Variants in F13A1 observed in about 807,000 individuals in gnomAD.
F13A1 encodes FSF, A subunit.
In F13A1, 47 loss-of-function variants were observed where a neutral mutation model predicts 80.1. That is an observed-to-expected ratio of 0.59 (90% CI 0.46 to 0.75). The LOEUF (loss-of-function observed/expected upper bound fraction) is 0.75, where lower values mean the gene tolerates loss of function less well. Among genes scored for constraint, F13A1 ranks in the 30% least tolerant of loss-of-function variants. F13A1 has a pLI of 0.00. For synonymous variants in F13A1, 349 were observed against 344.9 expected (o/e 1.01, Z -0.13); for missense variants, 817 against 930.4 (o/e 0.88, Z 1.59).
rs1757510209 is a variant in F13A1 at position 6,243,278 on chromosome 6, AATCACCCTACCATCACCACCATT to A, written c.798+5011_798+5033del. Among the ~76,000 whole-genome samples, 1 of 146,664 alleles carries A rather than the reference AATCACCCTACCATCACCACCATT, an allele frequency of 6.8e-6. No individual in the cohort carries two copies. The highest frequency in any genetic ancestry group is 2.5e-5 in the African/African-American group (1 of 39,680). On this transcript the variant is annotated intron_variant, in intron 6 of 14. Transcript: ENST00000264870. This position sits in a 1 kb window ranked among gnomAD's most constrained non-coding sequence, Gnocchi z 4.2. The stretch of plus-strand genomic sequence containing the variant: ...CCATCATCATCACTATCACCACCAT[AATCACCCTACCATCACCACCATT>A]ATTATCACAATCACTATCACCACCA...
intron 8 of F13A1, among the ~76,000 whole-genome samples, chr6:6,219,986 T>A (rs943744053): frequency 1.3e-5 from 2 of 152,194 alleles, no homozygotes; most frequent in Admixed American, 6.5e-5. Flanking sequence ...TATTGTTCTC[T>A]CCACTTTAGA....
chr6:6,280,917 A>G (rs1055203534), intron 3 of F13A1, among the ~76,000 whole-genome samples: 9 of 152,164 alleles, frequency 5.9e-5, no homozygotes, highest in African/African-American at 2.2e-4. Flanking sequence ...AACATCTGCC[A>G]CTACTTAAAT....
At chr6:6,180,439 A>T (rs1169464124) in intron 11 of F13A1, among the ~76,000 whole-genome samples, 1 of 152,228 alleles carries the variant, frequency 6.6e-6, no homozygotes, top group African/African-American at 2.4e-5. Flanking sequence ...CAGCACTGGA[A>T]GATGGCAGAT....
At chr6:6,189,706 A>T (rs1761146597) in intron 10 of F13A1, among the ~76,000 whole-genome samples, 1 of 144,878 alleles carries the variant, frequency 6.9e-6, no homozygotes, top group Non-Finnish European at 1.5e-5. Context: ...TGTGTCTTGG[A>T]GTTGCTCTTC....
At chr6:6,239,680 T>G (rs1359079871) in intron 6 of F13A1, among the ~76,000 whole-genome samples, 3 of 151,224 alleles carry the variant, frequency 2.0e-5, no homozygotes, top group African/African-American at 7.3e-5. Context: ...TTTTACTAAT[T>G]GACAATAATG....
intron 8 of F13A1, among the ~76,000 whole-genome samples, chr6:6,207,230 TGAA>T (rs1242056882): frequency 2.0e-5 from 3 of 152,098 alleles, no homozygotes; most frequent in African/African-American, 7.2e-5. Context: ...TAGAAACCAA[TGAA>T]GGAGAGAAAA....
intron 4 of F13A1, among the ~76,000 whole-genome samples, chr6:6,259,182 T>G (rs1259827662): frequency 1.3e-5 from 2 of 152,176 alleles, no homozygotes; most frequent in African/African-American, 4.8e-5. Flanking sequence ...TATTTGTGGA[T>G]TGATGGATGA....
intron 2 of F13A1, among the ~76,000 whole-genome samples, chr6:6,314,473 C>T (rs1758652009): frequency 6.6e-6 from 1 of 152,090 alleles, no homozygotes; most frequent in Admixed American, 6.6e-5. Flanking sequence ...TATACTGTTC[C>T]CTCTACTGCA....
chr6:6,146,407 C>T (rs1205559685), intron 14 of F13A1, among the ~76,000 whole-genome samples: 3 of 152,152 alleles, frequency 2.0e-5, no homozygotes, highest in African/African-American at 7.2e-5. Flanking sequence ...TGCCAATGCC[C>T]TAATGTATGC....
intron 6 of F13A1, among the ~76,000 whole-genome samples, chr6:6,232,502 G>A (rs555429402): frequency 2.6e-5 from 4 of 152,278 alleles, no homozygotes; most frequent in African/African-American, 7.2e-5. Flanking sequence ...GACAATAGTA[G>A]TGGAGGACTT....
At chr6:6,225,994 A>G (rs570585486) in intron 6 of F13A1, among the ~76,000 whole-genome samples, 2 of 152,338 alleles carry the variant, frequency 1.3e-5, no homozygotes, top group East Asian at 3.9e-4. Flanking sequence ...AACTTGCCAC[A>G]CCTTCAGACT....
intron 6 of F13A1, among the ~76,000 whole-genome samples, chr6:6,245,425 T>A (rs541591355): frequency 6.6e-6 from 1 of 152,294 alleles, no homozygotes; most frequent in Non-Finnish European, 1.5e-5. Context: ...GGTTTCTCCA[T>A]GTTGGTCAGG....
At chr6:6,203,110 T>G (rs1209408871) in intron 8 of F13A1, among the ~76,000 whole-genome samples, 1 of 152,226 alleles carries the variant, frequency 6.6e-6, no homozygotes, top group African/African-American at 2.4e-5. Context: ...ATCAAGTATT[T>G]TGAAACAGAA....
At chr6:6,170,664 G>A (rs1244280959) in intron 12 of F13A1, among the ~76,000 whole-genome samples, 1 of 152,106 alleles carries the variant, frequency 6.6e-6, no homozygotes, top group Non-Finnish European at 1.5e-5. Flanking sequence ...ACCTTTGAAG[G>A]TACGGAGAGG....
At chr6:6,182,615 C>T (rs1470048241) in intron 10 of F13A1, among the ~76,000 whole-genome samples, 1 of 152,178 alleles carries the variant, frequency 6.6e-6, no homozygotes, top group African/African-American at 2.4e-5. Context: ...CCTTCCCCTT[C>T]TGCTTTCAGC....
chr6:6,273,721 G>T (rs1757951638), intron 3 of F13A1, among the ~76,000 whole-genome samples: 1 of 152,056 alleles, frequency 6.6e-6, no homozygotes, highest in Non-Finnish European at 1.5e-5. Flanking sequence ...GAAGTATGAA[G>T]GTAACAGCAT....
chr6:6,166,439 A>G (rs1465773376), intron 13 of F13A1, among the ~76,000 whole-genome samples: 1 of 152,234 alleles, frequency 6.6e-6, no homozygotes, highest in Non-Finnish European at 1.5e-5. Flanking sequence ...GATCAACTTT[A>G]TAAAGCTTTG....
chr6:6,194,537 G>A (rs566670861), intron 10 of F13A1, among the ~76,000 whole-genome samples: 17 of 152,160 alleles, frequency 1.1e-4, no homozygotes, highest in African/African-American at 2.6e-4. Context: ...TTCCCAGGTC[G>A]CCCTTCCTTC....
At chr6:6,314,987 T>G (rs1758658427) in intron 2 of F13A1, among the ~76,000 whole-genome samples, 1 of 152,214 alleles carries the variant, frequency 6.6e-6, no homozygotes, top group Non-Finnish European at 1.5e-5. Flanking sequence ...AGGAGATTCT[T>G]AGAAAGGTAT....
Sources: allele counts gnomAD v4.1 joint callset (sites outside exome capture counted in the v4.1 genomes callset), GRCh38; gene constraint gnomAD v4.1.1; non-coding constraint Gnocchi (gnomAD v3.1); transcripts MANE v1.5; gene names NCBI Gene and HGNC (gene_info 2026-07-23, HGNC 2026-07-21).